ARHGAP24: variants seen among roughly 807,000 people sequenced by gnomAD.
ARHGAP24 encodes the protein Rho GTPase activating protein 24, also known as rho GTPase-activating protein 24.
Under a neutral mutation model 76.4 loss-of-function variants are expected in ARHGAP24, and 50 were observed. The observed-to-expected ratio is 0.65, with a 90% CI of 0.52 to 0.83. The LOEUF is 0.83. Ranked by LOEUF, ARHGAP24 falls within the 40% of genes least tolerant of loss-of-function variation. The pLI, the probability that ARHGAP24 is intolerant of heterozygous loss-of-function variation, is 0.00. For missense variants in ARHGAP24, 930 were observed against 914.2 expected (o/e 1.02, Z -0.22); for synonymous variants, 345 against 323.3 (o/e 1.07, Z -0.72).
At chr4:85,509,109 A>G (rs1216910698) in intron 1 of ARHGAP24, among the ~76,000 whole-genome samples, 2 of 147,798 alleles carry the variant, frequency 1.4e-5, no homozygotes, top group South Asian at 2.1e-4. Flanking sequence ...AAAACCAAAT[A>G]CCACATATTC....
intron 1 of ARHGAP24, among the ~76,000 whole-genome samples, chr4:85,524,589 T>A (rs1453672072): frequency 6.6e-6 from 1 of 152,176 alleles, no homozygotes; most frequent in African/African-American, 2.4e-5. Flanking sequence ...TTGGAGAGGA[T>A]AAGTAACTTG....
At chr4:85,686,729 A>C (rs1478189587) in intron 2 of ARHGAP24, 1 of 152,124 alleles carries the variant, frequency 6.6e-6, no homozygotes, top group African/African-American at 2.4e-5. Flanking sequence ...TACACTTGTG[A>C]AATATGAACA....
chr4:85,655,818 A>AAGAG (rs70948743), intron 2 of ARHGAP24, among the ~76,000 whole-genome samples: 42 of 35,488 alleles, frequency 1.2e-3, no homozygotes, highest in African/African-American at 4.3e-3. Context: ...GAGAGAGAGA[A>AAGAG]AGAGAGAGAG....
chr4:85,524,084 G>C (rs761575971), intron 1 of ARHGAP24, among the ~76,000 whole-genome samples: 1 of 152,030 alleles, frequency 6.6e-6, no homozygotes, highest in Non-Finnish European at 1.5e-5. Context: ...TAATTTTTCA[G>C]TTATCACTCA....
At chr4:85,818,700 A>G (rs1303414751) in intron 3 of ARHGAP24, among the ~76,000 whole-genome samples, 1 of 152,158 alleles carries the variant, frequency 6.6e-6, no homozygotes, top group Non-Finnish European at 1.5e-5. Flanking sequence ...GAAGTTGAAA[A>G]CTTGTTTTAG....
At chr4:85,849,393 A>G (rs576640205) in intron 3 of ARHGAP24, among the ~76,000 whole-genome samples, 2 of 152,262 alleles carry the variant, frequency 1.3e-5, no homozygotes, top group African/African-American at 4.8e-5. Flanking sequence ...TTATCTGCAA[A>G]CAGGGACAAT....
chr4:85,490,117 T>G (rs184111606), intron 1 of ARHGAP24, among the ~76,000 whole-genome samples: 110 of 151,864 alleles, frequency 7.2e-4, no homozygotes, highest in African/African-American at 2.7e-3. Context: ...GGGGCAGAAA[T>G]GGGAGGGAGA....
At chr4:85,549,831 G>T (rs1419116998) in intron 1 of ARHGAP24, among the ~76,000 whole-genome samples, 1 of 152,090 alleles carries the variant, frequency 6.6e-6, no homozygotes, top group Admixed American at 6.6e-5. Context: ...TCAATGTTTA[G>T]CTCCCACATA....
At chr4:85,642,197 G>A (rs1560565807) in intron 2 of ARHGAP24, among the ~76,000 whole-genome samples, 1 of 152,112 alleles carries the variant, frequency 6.6e-6, no homozygotes, top group Non-Finnish European at 1.5e-5. Flanking sequence ...GGTTAAAGGT[G>A]GACGGGAGAA....
chr4:85,689,750 C>G (rs1317112750), intron 2 of ARHGAP24, among the ~76,000 whole-genome samples: 1 of 152,126 alleles, frequency 6.6e-6, no homozygotes, highest in Admixed American at 6.6e-5. Flanking sequence ...TTTATTAGTT[C>G]TAGGAGCCTT....
chr4:85,976,869 G>A (rs1035704597), intron 7 of ARHGAP24, among the ~76,000 whole-genome samples: 3 of 146,746 alleles, frequency 2.0e-5, no homozygotes, highest in East Asian at 2.0e-4. Flanking sequence ...TGCAACCTCC[G>A]CCTCCCGAGT....
At chr4:85,746,934 T>C (rs1454795040) in intron 3 of ARHGAP24, among the ~76,000 whole-genome samples, 1 of 152,020 alleles carries the variant, frequency 6.6e-6, no homozygotes, top group Non-Finnish European at 1.5e-5. Flanking sequence ...ATTTCAGGAG[T>C]GAGCCACCGC....
At chr4:85,958,187 A>T (rs1262363863) in intron 5 of ARHGAP24, among the ~76,000 whole-genome samples, 1 of 152,212 alleles carries the variant, frequency 6.6e-6, no homozygotes, top group Admixed American at 6.5e-5. Flanking sequence ...CTCGTTACCT[A>T]ACTTCTCAAA....
intron 1 of ARHGAP24, among the ~76,000 whole-genome samples, chr4:85,513,635 A>T (rs2110106824): frequency 1.3e-5 from 2 of 152,312 alleles, no homozygotes; most frequent in Middle Eastern, 6.8e-3. Flanking sequence ...AAGACAGAAA[A>T]CAAACTTGAA....
At chr4:85,625,697 T>C (rs1399288425) in intron 2 of ARHGAP24, among the ~76,000 whole-genome samples, 1 of 152,244 alleles carries the variant, frequency 6.6e-6, no homozygotes, top group Non-Finnish European at 1.5e-5. Context: ...TATTATTCTG[T>C]GGGAGTCTAA....
chr4:85,984,066 A>G (rs1447767044), intron 8 of ARHGAP24, among the ~76,000 whole-genome samples: 1 of 152,242 alleles, frequency 6.6e-6, no homozygotes, highest in African/African-American at 2.4e-5. Flanking sequence ...GCCTAGTTGC[A>G]GATTTGAACC....
chr4:85,564,426 A>G (rs950402904), intron 1 of ARHGAP24, among the ~76,000 whole-genome samples: 2 of 139,318 alleles, frequency 1.4e-5, no homozygotes, highest in Admixed American at 7.3e-5. Context: ...TAGCATTAGG[A>G]GATATACCTA....
intron 1 of ARHGAP24, among the ~76,000 whole-genome samples, chr4:85,522,362 A>C (rs1194711455): frequency 6.6e-6 from 1 of 152,172 alleles, no homozygotes; most frequent in Non-Finnish European, 1.5e-5. Flanking sequence ...AACTTAGGTG[A>C]TACTCAGTTG....
chr4:85,641,803 A>T (rs556617018), intron 2 of ARHGAP24, among the ~76,000 whole-genome samples: 10 of 152,256 alleles, frequency 6.6e-5, no homozygotes, highest in Admixed American at 6.5e-4. Context: ...TGAAGCTTCC[A>T]CACCCTTCCT....
Sources: gnomAD v4.1 joint callset for allele counts (sites outside exome capture counted in the v4.1 genomes callset) on GRCh38, gnomAD v4.1.1 for gene constraint, MANE v1.5 for transcripts, NCBI Gene and HGNC (gene_info 2026-07-23, HGNC 2026-07-21) for gene names.